Variants in TPRA1 observed in about 807,000 individuals in gnomAD.
TPRA1 encodes transmembrane protein adipocyte-associated 1.
In TPRA1, 28 loss-of-function variants were observed where a neutral mutation model predicts 40.1. The observed-to-expected ratio is 0.70, with a 90% CI of 0.52 to 0.96. The LOEUF is 0.96. Ranked by LOEUF, TPRA1 falls within the 40% of genes least tolerant of loss-of-function variation. The pLI is 0.00. For missense variants in TPRA1, 441 were observed against 482.6 expected, an observed-to-expected ratio of 0.91 and a Z score of 0.81; for synonymous variants, 219 against 209.7, an observed-to-expected ratio of 1.04 and a Z score of -0.38.
In TPRA1 at chr3:127,576,680, C is replaced by T. The variant is rs893897306; in HGVS notation, c.435G>A (p.Lys145=). Residue 145 remains lysine, a synonymous_variant, in exon 6 of 11, where the codon AAG becomes AAA. Transcript: ENST00000355552. This position sits in a 1 kb window ranked among gnomAD's most constrained non-coding sequence, Gnocchi z 4.6. ...LGLAFGHLES[K]SSIKRVLAIT... Reference sequence around the variant, plus strand: ...TGGCCAGCACCCGCTTGATGCTGGACTTACTCTCCAGGTGGCCTGGAAGAA... The same window carrying T: ...TGGCCAGCACCCGCTTGATGCTGGATTTACTCTCCAGGTGGCCTGGAAGAA... 1.4e-5 allele frequency: 23 copies of T among 1,610,734 alleles called. No individual in the cohort carries two copies. Among genetic ancestry groups the T allele is most frequent in the Non-Finnish European group, 2.0e-5 (23 of 1,178,592 alleles).
At position 127,576,907 on chromosome 3, in the gene TPRA1, G is replaced by A. The variant is rs1280905193; in HGVS notation, c.346-14C>T. On this transcript the variant is annotated splice_polypyrimidine_tract_variant and intron_variant, in intron 4 of 10. Coordinates refer to ENST00000355552, the MANE Select transcript of TPRA1 (RefSeq NM_001136053.4). This position sits in a 1 kb window ranked among gnomAD's most constrained non-coding sequence, Gnocchi z 4.6. The stretch of plus-strand genomic sequence containing the variant: ...CTCCCACAGGATCTGCACGCAGAGT[G>A]GGCACAGCGTCAGCCTGGACCAGCA... 5.0e-6 allele frequency: 8 copies of A among 1,613,770 alleles called. No homozygotes were observed. The highest frequency in any genetic ancestry group is 6.8e-6 in the Non-Finnish European group (8 of 1,180,000).
chr3:127,583,998 T>C (rs2073917357), intron 1 of TPRA1, among the ~76,000 whole-genome samples: 1 of 151,520 alleles, frequency 6.6e-6, no homozygotes, highest in South Asian at 2.1e-4. Context: ...TCAGCAGACC[T>C]TAACTAGCAC....
intron 1 of TPRA1, among the ~76,000 whole-genome samples, chr3:127,583,789 G>C (rs1273417632): frequency 6.6e-6 from 1 of 152,000 alleles, no homozygotes; most frequent in East Asian, 2.0e-4. Flanking sequence ...CCCTGCCTCA[G>C]CCTCCCGAGT....
intron 3 of TPRA1, among the ~76,000 whole-genome samples, chr3:127,577,913 T>C (rs1382578558): frequency 6.6e-6 from 1 of 152,100 alleles, no homozygotes; most frequent in African/African-American, 2.4e-5. Context: ...GTGGGGCTGC[T>C]GGGAAAGGCA....
rs993702959 is a variant in TPRA1, at chr3:127,576,313, T to C, written c.499-263A>G. Among the ~76,000 whole-genome samples, 4 of 151,962 alleles carry C rather than the reference T, an allele frequency of 2.6e-5. No individual in the cohort carries two copies. The highest frequency in any genetic ancestry group is 9.7e-5 in the African/African-American group (4 of 41,352). ...CAAGGTGCAGTCCCTGCCCCCAATC[T>C]AAGAAAGGGGCCTCTAGATGCATGC... On this transcript the variant is annotated intron_variant, in intron 6 of 10. Transcript: ENST00000355552. The surrounding 1 kb of genome is among the most constrained non-coding windows in gnomAD (Gnocchi z 4.6).
intron 1 of TPRA1, among the ~76,000 whole-genome samples, chr3:127,584,010 T>C (rs1331313286): frequency 6.6e-6 from 1 of 151,424 alleles, no homozygotes; most frequent in Non-Finnish European, 1.5e-5. Context: ...AACTAGCACC[T>C]ACTGGGTGCC....
rs779590311 is a variant in TPRA1 at position 127,575,177 on chromosome 3, A to G, written c.854+8T>C. 5 of 1,613,462 alleles carry G rather than the reference A, an allele frequency of 3.1e-6. No individual in the cohort carries two copies. The Admixed American group carries it at 6.7e-5, about 22-fold the overall frequency. On this transcript the variant is annotated splice_region_variant and intron_variant, in intron 10 of 10. Transcript: ENST00000355552. ...GCCACGCGGGGGCGCCGGCGGCCAC[A>G]GACTCACCCGAAGAAGCCCCGGAGG...
upstream of TPRA1, among the ~76,000 whole-genome samples, chr3:127,592,367 GTTTTTTTTTTTT>G (rs746017013): frequency 2.3e-5 from 2 of 88,536 alleles, no homozygotes; most frequent in South Asian, 4.1e-4. Flanking sequence ...GCAACATGCT[GTTTTTTTTTTTT>G]TTTTTTTTTT....
rs1010831145 is a variant in TPRA1 at position 127,576,769 on chromosome 3, G to A, written c.418+52C>T. The A allele has an allele frequency of 6.2e-7, 1 of 1,612,748 alleles. No homozygotes were observed. Among genetic ancestry groups the A allele is most frequent in the African/African-American group, 1.3e-5 (1 of 75,020 alleles). On this transcript the variant is annotated intron_variant, in intron 5 of 10. Coordinates refer to ENST00000355552, the MANE Select transcript of TPRA1 (RefSeq NM_001136053.4). The surrounding 1 kb of genome is among the most constrained non-coding windows in gnomAD (Gnocchi z 4.6). The stretch of plus-strand genomic sequence containing the variant: ...ACTCCAGAGTCAGCCCACAGCCAGG[G>A]AGGGGCAGGGGAGAGCATCGCCAGG...
At chr3:127,589,177 G>C (rs1325033664) in intron 1 of TPRA1, among the ~76,000 whole-genome samples, 1 of 141,392 alleles carries the variant, frequency 7.1e-6, no homozygotes, top group Non-Finnish European at 1.6e-5. Flanking sequence ...CTCCCACCCA[G>C]TTGAGGGACA....
At chr3:127,575,723 C>T (rs762569873) in intron 8 of TPRA1, 26 bp downstream of exon 8, 1 of 1,612,608 alleles carries the variant, frequency 6.2e-7, no homozygotes, top group Admixed American at 1.7e-5. Flanking sequence ...CCCCGCCTGT[C>T]CCAGAGCCGC....
At position 127,577,054 on chromosome 3, in the gene TPRA1, C is replaced by A. The variant is rs2073665166; in HGVS notation, c.281G>T (p.Gly94Val). Reference protein sequence around the residue: ...YILVFVVALVGIARAVVSMTV... With the variant: ...YILVFVVALVVIARAVVSMTV... ...CATGGATACCACGGCCCGGGCAATGCCCACCAGCGCCACCACAAACACCTG... is the reference window on the plus strand; with the variant it reads ...CATGGATACCACGGCCCGGGCAATGACCACCAGCGCCACCACAAACACCTG... Residue 94 changes from glycine to valine, a missense_variant, in exon 4 of 11, where the codon GGC (glycine) becomes GTC (valine). Gly to Val is a moderately radical substitution (Grantham distance 109). Transcript: ENST00000355552. The A allele has an allele frequency of 6.2e-7, 1 of 1,613,326 alleles. No homozygotes were observed. The highest frequency in any genetic ancestry group is 8.5e-7 in the Non-Finnish European group (1 of 1,180,026).
intron 1 of TPRA1, among the ~76,000 whole-genome samples, chr3:127,584,226 G>A (rs1270683840): frequency 6.6e-6 from 1 of 150,386 alleles, no homozygotes; most frequent in Non-Finnish European, 1.5e-5. Context: ...GATCACTTGA[G>A]CCCAGGAGTT....
At chr3:127,581,893 G>A (rs2073843416) in intron 1 of TPRA1, among the ~76,000 whole-genome samples, 1 of 150,114 alleles carries the variant, frequency 6.7e-6, no homozygotes, top group Non-Finnish European at 1.5e-5. Flanking sequence ...CTGTGCTCCA[G>A]CCTGGGCGAC....
intron 2 of TPRA1, 62 bp downstream of exon 2, chr3:127,579,960 C>T: frequency 1.9e-6 from 3 of 1,609,886 alleles, no homozygotes; most frequent in Non-Finnish European, 2.5e-6. Flanking sequence ...CCTCACCACC[C>T]CCCTACACCA....
At chr3:127,594,084 T>C (rs1205937794), upstream of TPRA1, among the ~76,000 whole-genome samples, 1 of 152,190 alleles carries the variant, frequency 6.6e-6, no homozygotes, top group Non-Finnish European at 1.5e-5. Context: ...TGATGAGACA[T>C]ATGTGCTCCA....
intron 10 of TPRA1, among the ~76,000 whole-genome samples, chr3:127,574,721 T>A (rs757348346): frequency 6.6e-6 from 1 of 152,256 alleles, no homozygotes; most frequent in African/African-American, 2.4e-5. Context: ...ACACCGTGCA[T>A]AGTCACTCTC....
intron 3 of TPRA1, among the ~76,000 whole-genome samples, chr3:127,577,820 G>A (rs1028686686): frequency 6.6e-6 from 1 of 152,220 alleles, no homozygotes; most frequent in Non-Finnish European, 1.5e-5. Context: ...CCAGTGGTGT[G>A]TGCCATTCCC....
chr3:127,589,539 T>C (rs1478217285), intron 1 of TPRA1, among the ~76,000 whole-genome samples: 1 of 152,018 alleles, frequency 6.6e-6, no homozygotes, highest in Non-Finnish European at 1.5e-5. Flanking sequence ...AGGCGTGTGG[T>C]CCCTGTCCTA....
Sources: allele counts gnomAD v4.1 joint callset (sites outside exome capture counted in the v4.1 genomes callset), GRCh38; gene constraint gnomAD v4.1.1; non-coding constraint Gnocchi (gnomAD v3.1); transcripts MANE v1.5; gene names NCBI Gene and HGNC (gene_info 2026-07-23, HGNC 2026-07-21).